The following PRR16 variants were observed in gnomAD, a reference collection of about 807,000 sequenced individuals.
The protein encoded by PRR16 is proline rich 16.
A neutral mutation model predicts 18.2 loss-of-function variants in PRR16; 6 were observed. The observed-to-expected ratio is 0.33, with a 90% CI of 0.18 to 0.65. The LOEUF is 0.65. Among genes scored for constraint, PRR16 ranks in the 30% least tolerant of loss-of-function variants. PRR16 has a pLI of 0.74. For missense variants in PRR16, 412 were observed against 376.6 expected (o/e 1.09, Z -0.78); for synonymous variants, 151 against 147.8 (o/e 1.02, Z -0.16).
chr5:120,579,130 C>T (rs1753177463), intron 1 of PRR16, among the ~76,000 whole-genome samples: 1 of 151,762 alleles, frequency 6.6e-6, no homozygotes, highest in African/African-American at 2.4e-5. Flanking sequence ...TGTTTAAGTT[C>T]CTTGTAAATT....
chr5:120,594,820 G>A (rs1207878569), intron 1 of PRR16, among the ~76,000 whole-genome samples: 2 of 151,788 alleles, frequency 1.3e-5, no homozygotes, highest in African/African-American at 2.4e-5. Flanking sequence ...TAAAGCCATC[G>A]ATCTTTGACA....
intron 1 of PRR16, among the ~76,000 whole-genome samples, chr5:120,546,634 A>G (rs2112691871): frequency 6.6e-6 from 1 of 152,272 alleles, no homozygotes; most frequent in Middle Eastern, 3.4e-3. Flanking sequence ...AAGTAAAAGC[A>G]CACAGTGTGA....
intron 1 of PRR16, among the ~76,000 whole-genome samples, chr5:120,637,644 G>GA (rs1207067273): frequency 6.6e-6 from 1 of 151,738 alleles, no homozygotes; most frequent in African/African-American, 2.4e-5. Flanking sequence ...TGGGGATTTG[G>GA]GGGGAAGGGT....
chr5:120,761,017 A>G, the PRR16 span, among the ~76,000 whole-genome samples: 1 of 152,066 alleles, frequency 6.6e-6, no homozygotes, highest in Non-Finnish European at 1.5e-5. Context: ...CACATTTTCT[A>G]AAGAAATTAA....
downstream of PRR16, among the ~76,000 whole-genome samples, chr5:120,691,733 TA>T (rs1455234388): frequency 6.6e-6 from 1 of 152,212 alleles, no homozygotes. Flanking sequence ...TATTTCATAA[TA>T]TAATTGTCAA....
At chr5:120,738,542 G>A in the PRR16 span, among the ~76,000 whole-genome samples, 1 of 152,024 alleles carries the variant, frequency 6.6e-6, no homozygotes, top group African/African-American at 2.4e-5. Flanking sequence ...CATTATGGCT[G>A]AAAGTGAGGG....
the PRR16 span, among the ~76,000 whole-genome samples, chr5:120,721,455 G>C: frequency 1.3e-4 from 20 of 152,136 alleles, no homozygotes; most frequent in African/African-American, 3.9e-4. Flanking sequence ...TGAGGAGATA[G>C]TATTTTCAAG....
chr5:120,633,354 A>T (rs777920143), intron 1 of PRR16, among the ~76,000 whole-genome samples: 1 of 152,188 alleles, frequency 6.6e-6, no homozygotes, highest in African/African-American at 2.4e-5. Flanking sequence ...TGATGAATAG[A>T]ATAGTACCTC....
the PRR16 span, among the ~76,000 whole-genome samples, chr5:120,763,038 A>G: frequency 3.3e-5 from 5 of 152,002 alleles, no homozygotes; most frequent in African/African-American, 1.2e-4. Flanking sequence ...TTTCCCCAAT[A>G]TGTGTCTGTG....
chr5:120,751,198 A>G, the PRR16 span, among the ~76,000 whole-genome samples: 1 of 152,174 alleles, frequency 6.6e-6, no homozygotes, highest in African/African-American at 2.4e-5. Flanking sequence ...ATCGATGGGC[A>G]CTTAGGTAAT....
At chr5:120,764,683 AG>A in the PRR16 span, among the ~76,000 whole-genome samples, 4 of 112,898 alleles carry the variant, frequency 3.5e-5, no homozygotes, top group African/African-American at 1.5e-4. Flanking sequence ...AAGAATGCAA[AG>A]AAGTCAAAGA....
At chr5:120,671,346 T>C (rs1756597252) in intron 1 of PRR16, among the ~76,000 whole-genome samples, 1 of 152,178 alleles carries the variant, frequency 6.6e-6, no homozygotes, top group Admixed American at 6.6e-5. Flanking sequence ...AGACTCAGTT[T>C]TATCATCTCA....
the PRR16 span, among the ~76,000 whole-genome samples, chr5:120,745,158 G>C: frequency 6.6e-6 from 1 of 152,166 alleles, no homozygotes; most frequent in Non-Finnish European, 1.5e-5. Context: ...ACTGTGCTGA[G>C]TCCAAAGTGG....
the PRR16 span, among the ~76,000 whole-genome samples, chr5:120,763,666 T>C: frequency 6.6e-6 from 1 of 152,148 alleles, no homozygotes; most frequent in Non-Finnish European, 1.5e-5. Flanking sequence ...TTAACAATAT[T>C]AATTCTTCCA....
chr5:120,702,647 C>T, the PRR16 span, among the ~76,000 whole-genome samples: 6 of 152,102 alleles, frequency 3.9e-5, no homozygotes, highest in South Asian at 2.1e-4. Flanking sequence ...AGTCCGTGAC[C>T]GGCGCCGGAG....
intron 1 of PRR16, among the ~76,000 whole-genome samples, chr5:120,676,712 C>G (rs1022612373): frequency 6.6e-6 from 1 of 151,928 alleles, no homozygotes; most frequent in Non-Finnish European, 1.5e-5. Flanking sequence ...TGTAAGGAGT[C>G]GATTGGCCTC....
At chr5:120,753,150 T>C in the PRR16 span, among the ~76,000 whole-genome samples, 7 of 152,006 alleles carry the variant, frequency 4.6e-5, no homozygotes, top group African/African-American at 1.7e-4. Context: ...AAAGTAGATT[T>C]GGAGGGAAGT....
At chr5:120,640,026 G>A (rs1208802733) in intron 1 of PRR16, among the ~76,000 whole-genome samples, 1 of 151,954 alleles carries the variant, frequency 6.6e-6, no homozygotes, top group East Asian at 1.9e-4. Context: ...TATCTTACAT[G>A]AATTAACACA....
chr5:120,734,476 G>T, the PRR16 span, among the ~76,000 whole-genome samples: 4 of 152,168 alleles, frequency 2.6e-5, no homozygotes, highest in Non-Finnish European at 4.4e-5. Flanking sequence ...GTAAAAAAAT[G>T]TTATTTAGTT....
Sources: gnomAD v4.1 joint callset for allele counts (sites outside exome capture counted in the v4.1 genomes callset) on GRCh38, gnomAD v4.1.1 for gene constraint, MANE v1.5 for transcripts, NCBI Gene and HGNC (gene_info 2026-07-23, HGNC 2026-07-21) for gene names.